Variants in SLC44A2 observed in about 807,000 individuals in gnomAD.
The protein encoded by SLC44A2 is choline transporter-like protein 2.
A neutral mutation model predicts 90.8 loss-of-function variants in SLC44A2; 57 were observed. That is an observed-to-expected ratio of 0.63 (90% confidence interval 0.51 to 0.78). The LOEUF (loss-of-function observed/expected upper bound fraction) is 0.78. Ranked by LOEUF, SLC44A2 falls within the 30% of genes least tolerant of loss-of-function variation. SLC44A2 has a pLI of 0.00. For synonymous variants in SLC44A2, 355 were observed against 360.7 expected, an observed-to-expected ratio of 0.98 and a Z score of 0.18; for missense variants, 794 against 919.7, an observed-to-expected ratio of 0.86 and a Z score of 1.77.
intron 1 of SLC44A2, among the ~76,000 whole-genome samples, chr19:10,607,208 C>T (rs752515824): frequency 2.6e-5 from 4 of 152,040 alleles, no homozygotes; most frequent in Non-Finnish European, 5.9e-5. Context: ...CCACCTCGCC[C>T]GGCCTCTTGG....
upstream of SLC44A2, among the ~76,000 whole-genome samples, chr19:10,621,616 A>T (rs2066895726): frequency 1.3e-5 from 2 of 150,590 alleles, no homozygotes; most frequent in African/African-American, 2.4e-5. Flanking sequence ...GCTAATTTTT[A>T]ATTTAATTTA....
chr19:10,636,628 T>C, intron 15 of SLC44A2, 34 bp from the exon 16 acceptor site: 2 of 1,609,084 alleles, frequency 1.2e-6, no homozygotes, highest in Non-Finnish European at 1.7e-6. Flanking sequence ...GGACGAGGCC[T>C]GGCCCAGCCA....
rs2067139970 is a variant in SLC44A2 at position 10,643,458 on chromosome 19, C to T, written c.*73C>T. 7.9e-6 allele frequency: 12 copies of T among 1,524,492 alleles called. No homozygotes were observed. Among genetic ancestry groups the T allele is most frequent in the African/African-American group, 2.8e-5 (2 of 72,514 alleles). 94.4% of individuals were successfully genotyped at this position (1,524,492 alleles called of 1,614,324 possible). A position where few individuals can be genotyped will look rare whatever the true frequency, so the allele number is the denominator to read the frequency against. On this transcript the variant is annotated 3_prime_UTR_variant, in exon 22 of 22. Coordinates refer to ENST00000335757, the MANE Select transcript of SLC44A2 (RefSeq NM_020428.4). ...TCAGTAGCTGGGTCTGTTCCCCCAG[C>T]CCCTTGGGCTCACCTGAAGTCCTAT...
At chr19:10,636,260 T>G in intron 14 of SLC44A2, 63 bp from the exon 15 acceptor site, 1 of 1,554,674 alleles carries the variant, frequency 6.4e-7, no homozygotes, top group Non-Finnish European at 8.7e-7. Context: ...CACCTGATGC[T>G]CAGAGCCCAC....
At chr19:10,624,843 C>A (rs1288594049), upstream of SLC44A2, among the ~76,000 whole-genome samples, 1 of 152,186 alleles carries the variant, frequency 6.6e-6, no homozygotes, top group African/African-American at 2.4e-5. Flanking sequence ...TGAATAAATA[C>A]TTGTTCTAAG....
intron 14 of SLC44A2, 192 bp from the exon 15 acceptor site, chr19:10,636,131 G>T: frequency 1.5e-6 from 1 of 662,636 alleles, no homozygotes; most frequent in Non-Finnish European, 2.5e-6. Flanking sequence ...CCCCAGTGAT[G>T]GCCACGTCTT....
chr19:10,634,728 G>A lies in SLC44A2; in HGVS notation c.824-28G>A, dbSNP rs747839410. The A allele has an allele frequency of 3.7e-6, 6 of 1,613,930 alleles. No individual in the cohort carries two copies. The African/African-American group carries it at 5.3e-5, about 14-fold the overall frequency. On this transcript the variant is annotated intron_variant, in intron 10 of 21. Transcript: ENST00000335757. ...TTGCAAAGTTGCAGGAGGCACTGCT[G>A]GACTGAGCTTGTGGTTCCCCCATGC...
rs944148495 is a variant in SLC44A2 at position 10,636,770 on chromosome 19, A to G, written c.1591+14A>G. ...AGCGGCTGAAAGGTACGTCCCACCCACGGTTCGCATTAGCTCCTGTTGCGG... is the reference window on the plus strand; with the variant it reads ...AGCGGCTGAAAGGTACGTCCCACCCGCGGTTCGCATTAGCTCCTGTTGCGG... On this transcript the variant is annotated intron_variant, in intron 16 of 21. Transcript: ENST00000335757. 1 of 1,610,620 alleles carries G rather than the reference A, an allele frequency of 6.2e-7. No individual in the cohort carries two copies. The highest frequency in any genetic ancestry group is 8.5e-7 in the Non-Finnish European group (1 of 1,178,356).
At chr19:10,629,944 G>A (rs781453707) in intron 4 of SLC44A2, among the ~76,000 whole-genome samples, 4 of 151,978 alleles carry the variant, frequency 2.6e-5, no homozygotes, top group Non-Finnish European at 4.4e-5. Flanking sequence ...TAGTACAGAC[G>A]GGGTTTCGCC....
At chr19:10,620,916 A>G (rs1286942630), upstream of SLC44A2, among the ~76,000 whole-genome samples, 2 of 151,984 alleles carry the variant, frequency 1.3e-5, no homozygotes, top group East Asian at 3.9e-4. Context: ...GTGTGTGCCT[A>G]TAGTCACAGC....
At chr19:10,603,846 G>A (rs914873203) in intron 1 of SLC44A2, among the ~76,000 whole-genome samples, 1 of 152,212 alleles carries the variant, frequency 6.6e-6, no homozygotes, top group African/African-American at 2.4e-5. Context: ...CCCGCTTGTG[G>A]GCAGCATCTG....
chr19:10,626,273 C>G lies in SLC44A2; in HGVS notation c.58C>G (p.Pro20Ala). The change falls in exon 2 of 22, where the codon CCC becomes GCC. Residue 20 changes from proline (P) to alanine (A), a missense_variant. Around this residue, in one of 3 missense-constraint regions of SLC44A2, gnomAD observed 738 missense variants for 841.1 expected, o/e 0.88. Transcript: ENST00000335757. The part of the protein sequence containing the change: ...GKHGTPQKYD[P>A]TFKGPIYNRG... ...TTCAGGAACGCCACAGAAGTATGAT[C>G]CCACTTTCAAAGGACCCATTTACAA... is the stretch of plus-strand genomic sequence containing the variant. The G allele has an allele frequency of 1.2e-6, 2 of 1,613,638 alleles. No individual in the cohort carries two copies. The highest frequency in any genetic ancestry group is 1.7e-6 in the Non-Finnish European group (2 of 1,179,534).
rs547923266 is a variant in SLC44A2 at position 10,636,990 on chromosome 19, C to T, written c.1591+234C>T. ...CTGTTGAGGGGACAGGCCCAAGAGG[C>T]CTGGCCCACCATTGGTTATTACCAG... On this transcript the variant is annotated intron_variant, in intron 16 of 21. Transcript: ENST00000335757. The T allele has an allele frequency of 1.3e-5, 7 of 535,800 alleles. No homozygotes were observed. In the South Asian group the frequency reaches 1.7e-4, roughly 13 times the overall value. 33.2% of individuals were successfully genotyped at this position (535,800 alleles called of 1,614,324 possible).
intron 1 of SLC44A2, chr19:10,602,624 A>AG: frequency 8.1e-7 from 1 of 1,232,976 alleles, no homozygotes. Flanking sequence ...ACCTTGAGCC[A>AG]GGGGGACATC....
At chr19:10,629,261 C>CTAT (rs6146468) in intron 4 of SLC44A2, among the ~76,000 whole-genome samples, 4,519 of 144,356 alleles carry the variant, frequency 0.031, 93 homozygotes, top group South Asian at 0.082. Context: ...AGTTTTTAAA[C>CTAT]TATTATTATT....
rs886176022 is a variant in SLC44A2 at position 10,626,186 on chromosome 19, G to C, written c.38-67G>C. 3.8e-6 allele frequency: 5 copies of C among 1,305,730 alleles called. No homozygotes were observed. The African/African-American group carries it at 7.3e-5, about 19-fold the overall frequency. 80.9% of individuals were successfully genotyped at this position (1,305,730 alleles called of 1,614,324 possible). On this transcript the variant is annotated intron_variant, in intron 1 of 21. Transcript: ENST00000335757. Reference sequence around the variant, plus strand: ...GACACCCCTAGGGGCTTTTGGGAGGGGGCTCTCCCAGCCCTGTCTTGGTTC... The same window carrying C: ...GACACCCCTAGGGGCTTTTGGGAGGCGGCTCTCCCAGCCCTGTCTTGGTTC...
At chr19:10,628,121 A>G (rs1353785005) in intron 4 of SLC44A2, 117 bp downstream of exon 4, 13 of 933,102 alleles carry the variant, frequency 1.4e-5, no homozygotes, top group Non-Finnish European at 2.1e-5. Flanking sequence ...GCGGTGACTC[A>G]CGCCCGAAAT....
chr19:10,628,464 G>C (rs1007883571), intron 4 of SLC44A2, among the ~76,000 whole-genome samples: 1 of 152,114 alleles, frequency 6.6e-6, no homozygotes, highest in African/African-American at 2.4e-5. Context: ...GAGGTGGGAG[G>C]ATAGCTTGAG....
At chr19:10,625,342 G>C (rs1230426461), upstream of SLC44A2, 1 of 618,964 alleles carries the variant, frequency 1.6e-6, no homozygotes. Context: ...CCCGGTGGCA[G>C]GGTGTTCCCA....
Sources: gnomAD v4.1 joint callset for allele counts (sites outside exome capture counted in the v4.1 genomes callset) on GRCh38, gnomAD v4.1.1 for gene constraint, gnomAD v4.1.1 regional missense constraint, MANE v1.5 for transcripts, NCBI Gene and HGNC (gene_info 2026-07-23, HGNC 2026-07-21) for gene names.